Variants in IL1RAPL2 observed in about 807,000 individuals in gnomAD.
The protein encoded by IL1RAPL2 is interleukin 1 receptor accessory protein like 2.
Under a neutral mutation model 44.1 loss-of-function variants are expected in IL1RAPL2, and 3 were observed. The observed-to-expected ratio is 0.07, with a 90% confidence interval of 0.03 to 0.18. The LOEUF (loss-of-function observed/expected upper bound fraction) is 0.18. IL1RAPL2 is among the 10% of genes least tolerant of loss of function. IL1RAPL2 has a pLI of 1.00. For synonymous variants in IL1RAPL2, 181 were observed against 178.8 expected (o/e 1.01, Z -0.10); for missense variants, 391 against 496.4 (o/e 0.79, Z 2.02).
intron 2 of IL1RAPL2, among the ~76,000 whole-genome samples, chrX:104,861,096 C>G (rs963678288): frequency 3.6e-5 from 4 of 111,763 alleles, no homozygotes; most frequent in Non-Finnish European, 7.6e-5. Context: ...ACTTGCTAAC[C>G]ACTACCCCTT....
intron 5 of IL1RAPL2, among the ~76,000 whole-genome samples, chrX:105,443,968 A>G (rs2035938091): frequency 2.7e-5 from 3 of 112,366 alleles, no homozygotes; most frequent in South Asian, 7.3e-4. Flanking sequence ...AACAGTGAAC[A>G]AGGGTTCCCT....
chrX:104,695,635 C>A (rs772548292), intron 2 of IL1RAPL2, among the ~76,000 whole-genome samples: 1 of 110,015 alleles, frequency 9.1e-6, no homozygotes, highest in East Asian at 2.9e-4. Flanking sequence ...CAGATGAAAT[C>A]CACTTTTCAG....
intron 2 of IL1RAPL2, among the ~76,000 whole-genome samples, chrX:104,835,729 T>G (rs1921725986): frequency 8.9e-6 from 1 of 112,238 alleles, no homozygotes; most frequent in Non-Finnish European, 1.9e-5. Context: ...TATTTTCTTC[T>G]CTCCCTCACC....
chrX:104,582,046 A>T (rs1267121222), intron 1 of IL1RAPL2, among the ~76,000 whole-genome samples: 1 of 111,793 alleles, frequency 8.9e-6, no homozygotes, highest in Non-Finnish European at 1.9e-5. Context: ...AACTTAAAGG[A>T]TATACTTGAA....
intron 2 of IL1RAPL2, among the ~76,000 whole-genome samples, chrX:105,177,052 T>G (rs1323127529): frequency 2.7e-5 from 3 of 111,230 alleles, no homozygotes; most frequent in Non-Finnish European, 5.7e-5. Context: ...GACCACAGAC[T>G]GTGGCCTGGT....
At chrX:105,227,242 A>T (rs1010056374) in intron 3 of IL1RAPL2, among the ~76,000 whole-genome samples, 5 of 111,827 alleles carry the variant, frequency 4.5e-5, no homozygotes, top group Non-Finnish European at 9.4e-5. Flanking sequence ...TAAAAAAATT[A>T]TGATATGTTT....
intron 2 of IL1RAPL2, among the ~76,000 whole-genome samples, chrX:104,715,329 C>A (rs1931536962): frequency 9.3e-6 from 1 of 107,356 alleles, no homozygotes; most frequent in African/African-American, 3.4e-5. Context: ...GTAATAATAT[C>A]CCCTTGTCAT....
intron 2 of IL1RAPL2, among the ~76,000 whole-genome samples, chrX:104,908,046 A>C (rs918644928): frequency 9.1e-6 from 1 of 110,046 alleles, no homozygotes; most frequent in African/African-American, 3.3e-5. Flanking sequence ...TGATCCCTTT[A>C]CCATTATGTA....
chrX:105,548,219 CAATA>C (rs948095295), intron 6 of IL1RAPL2, among the ~76,000 whole-genome samples: 12 of 110,700 alleles, frequency 1.1e-4, no homozygotes, highest in African/African-American at 3.6e-4. Context: ...GGGAGACAGA[CAATA>C]AATAAGAAAA....
chrX:104,947,658 A>G (rs1390871585), intron 2 of IL1RAPL2, among the ~76,000 whole-genome samples: 1 of 109,184 alleles, frequency 9.2e-6, no homozygotes, highest in Non-Finnish European at 1.9e-5. Flanking sequence ...TCCCAGCACC[A>G]TTTATTAAAT....
At chrX:105,339,774 A>T (rs183053460) in intron 5 of IL1RAPL2, among the ~76,000 whole-genome samples, 140 of 111,757 alleles carry the variant, frequency 1.3e-3, no homozygotes, top group Non-Finnish European at 2.0e-3. Context: ...CAATATACAT[A>T]GAACGAAAGC....
At chrX:105,388,218 G>GAAAAAAAAAAAA (rs2035493629) in intron 5 of IL1RAPL2, among the ~76,000 whole-genome samples, 1 of 83,053 alleles carries the variant, frequency 1.2e-5, no homozygotes. Context: ...ACCGTTCTAT[G>GAAAAAAAAAAAA]AAAGTGTGAA....
chrX:104,766,762 A>G (rs1382506221), intron 2 of IL1RAPL2, among the ~76,000 whole-genome samples: 2 of 112,370 alleles, frequency 1.8e-5, no homozygotes, highest in Non-Finnish European at 3.8e-5. Flanking sequence ...CTACTGTGCT[A>G]TTAACTACCA....
intron 6 of IL1RAPL2, among the ~76,000 whole-genome samples, chrX:105,558,635 T>C (rs959761166): frequency 3.6e-5 from 4 of 112,432 alleles, no homozygotes; most frequent in African/African-American, 1.3e-4. Flanking sequence ...TTTGGTTTCA[T>C]GATTTTCCAG....
chrX:105,468,802 A>G (rs933153091), intron 5 of IL1RAPL2, among the ~76,000 whole-genome samples: 1 of 111,967 alleles, frequency 8.9e-6, no homozygotes, highest in African/African-American at 3.2e-5. Context: ...TCTGTGACTT[A>G]GATGACATAT....
At chrX:104,775,194 G>A (rs1002866653) in intron 2 of IL1RAPL2, among the ~76,000 whole-genome samples, 5 of 112,270 alleles carry the variant, frequency 4.5e-5, no homozygotes, top group African/African-American at 1.6e-4. Flanking sequence ...CAACAGCTGG[G>A]TATTAATACT....
chrX:105,156,260 G>A (rs939465455), intron 2 of IL1RAPL2, among the ~76,000 whole-genome samples: 1 of 111,407 alleles, frequency 9.0e-6, no homozygotes, highest in Non-Finnish European at 1.9e-5. Context: ...AGGGGGCTTG[G>A]ATTGATCATC....
chrX:105,695,057 T>C (rs2038066155), intron 6 of IL1RAPL2, among the ~76,000 whole-genome samples: 1 of 111,764 alleles, frequency 8.9e-6, no homozygotes. Flanking sequence ...TTATATCATG[T>C]AGCTAGTTTC....
intron 2 of IL1RAPL2, among the ~76,000 whole-genome samples, chrX:104,677,686 C>T: frequency 8.9e-6 from 1 of 112,360 alleles, no homozygotes; most frequent in South Asian, 3.8e-4. Context: ...GCGGGCGCCC[C>T]TCCCCCAGCC....
Sources: allele counts gnomAD v4.1 joint callset (sites outside exome capture counted in the v4.1 genomes callset), GRCh38; gene constraint gnomAD v4.1.1; transcripts MANE v1.5; gene names NCBI Gene and HGNC (gene_info 2026-07-23, HGNC 2026-07-21).